BIN1: variants seen among roughly 807,000 people sequenced by gnomAD.
The protein encoded by BIN1 is myc box-dependent-interacting protein 1.
BIN1 carries 53 observed loss-of-function variants against 82.0 expected under a neutral mutation model. The observed-to-expected ratio is 0.65, with a 90% CI of 0.52 to 0.81. The LOEUF is 0.81. Ranked by LOEUF, BIN1 falls within the 40% of genes least tolerant of loss-of-function variation. BIN1 has a pLI of 0.00. For missense variants in BIN1, 642 were observed against 784.4 expected (o/e 0.82, Z 2.17); for synonymous variants, 302 against 328.0 (o/e 0.92, Z 0.86).
In BIN1 at chr2:127,105,324, C is replaced by A. The variant is rs1471142877; in HGVS notation, c.84+1536G>T. ...TTAGGGAAGGAAGCAGGCTCTGGCC[C>A]AGGGCTGCCTGCTCCAGGCACACAG... On this transcript the variant is annotated intron_variant, in intron 1 of 18. Transcript: ENST00000316724. Among the ~76,000 whole-genome samples the A allele has an allele frequency of 3.3e-5, 5 of 152,140 alleles. 1 individual carries two copies. Among genetic ancestry groups the A allele is most frequent in the Non-Finnish European group, 7.4e-5 (5 of 68,008 alleles).
rs1681239868 is a variant in BIN1, at chr2:127,106,932, C to T, written c.12G>A (p.Met4Ile). 1 of 1,611,786 alleles carries T rather than the reference C, an allele frequency of 6.2e-7. No homozygotes were observed. Among genetic ancestry groups the T allele is most frequent in the African/African-American group, 1.3e-5 (1 of 74,748 alleles). ...TTCCCGCCGTCACCCCTTTACTGCC[C>T]ATCTCTGCCATCGCGGCGCAGGCCT... MAEMGSKGVTAGKI... is the reference protein window; with the variant it reads MAEIGSKGVTAGKI... Residue 4 changes from methionine to isoleucine, a missense_variant, in exon 1 of 19, where the codon ATG (methionine) becomes ATA (isoleucine). Met to Ile is a conservative substitution (Grantham distance 10). Coordinates refer to ENST00000316724, the MANE Select transcript of BIN1 (RefSeq NM_139343.3).
intron 7 of BIN1, 81 bp from the exon 8 acceptor site, chr2:127,064,099 C>T: frequency 2.0e-6 from 3 of 1,530,458 alleles, no homozygotes; most frequent in Non-Finnish European, 2.7e-6. Flanking sequence ...CACCTCCTGC[C>T]CACCCCTCTT....
At position 127,059,085 on chromosome 2, in the gene BIN1, T is replaced by A; in HGVS notation, c.928A>T (p.Ile310Phe). 6.3e-7 allele frequency: 1 copy of A among 1,591,154 alleles called. No individual in the cohort carries two copies. Among genetic ancestry groups the A allele is most frequent in the Non-Finnish European group, 8.5e-7 (1 of 1,170,016 alleles). The change falls in exon 11 of 19, where the codon ATC (isoleucine) becomes TTC (phenylalanine). Residue 310 changes from isoleucine (I) to phenylalanine (F), a missense_variant. Coordinates refer to ENST00000316724, the MANE Select transcript of BIN1 (RefSeq NM_139343.3). This position sits in a 1 kb window ranked among gnomAD's most constrained non-coding sequence, Gnocchi z 6.7. ...PDGSPAATPEIRVNHEPEPAG... is the reference protein window; with the variant it reads ...PDGSPAATPEFRVNHEPEPAG... ...GGCTCTGGCTCGTGGTTGACTCTGA[T>A]CTCGGGGGTGGCGGCAGGGGAGCCA...
In BIN1 at chr2:127,076,604, G is replaced by A. The variant is rs866806367; in HGVS notation, c.165+22C>T. 8.1e-6 allele frequency: 13 copies of A among 1,613,822 alleles called. No individual in the cohort carries two copies. The Middle Eastern group carries it at 4.9e-4, about 61-fold the overall frequency. On this transcript the variant is annotated intron_variant, in intron 2 of 18. Transcript: ENST00000316724. ...GCCGAATTTTCACAAACTCCCTAAG[G>A]CCAAGGGCCACCCACACTCACCAGC... is the stretch of plus-strand genomic sequence containing the variant.
chr2:127,091,600 G>T (rs1678933017), intron 1 of BIN1, among the ~76,000 whole-genome samples: 1 of 152,214 alleles, frequency 6.6e-6, no homozygotes, highest in African/African-American at 2.4e-5. Context: ...AAGAATAAGG[G>T]TTGGCTGACC....
In BIN1 at chr2:127,057,429, G is replaced by T. The variant is rs1478699649; in HGVS notation, c.1131+44C>A. 2.0e-6 allele frequency: 3 copies of T among 1,525,662 alleles called. No individual in the cohort carries two copies. The highest frequency in any genetic ancestry group is 2.6e-6 in the Non-Finnish European group (3 of 1,134,104). The allele number at this position is 1,525,662 out of a possible 1,614,324, so 94.5% of individuals were successfully genotyped here. A position where few individuals can be genotyped will look rare whatever the true frequency, so the allele number is the denominator to read the frequency against. ...GATGAAGGCCATGCACGCCCTGAGA[G>T]GGCAGGAAGAGAGGAGAGCTGGGCC... On this transcript the variant is annotated intron_variant, in intron 12 of 18. Coordinates refer to ENST00000316724, the MANE Select transcript of BIN1 (RefSeq NM_139343.3). The surrounding 1 kb of genome is among the most constrained non-coding windows in gnomAD (Gnocchi z 5.0).
intron 11 of BIN1, among the ~76,000 whole-genome samples, chr2:127,058,088 A>C (rs1444783695): frequency 6.6e-6 from 1 of 152,144 alleles, no homozygotes; most frequent in African/African-American, 2.4e-5. Flanking sequence ...AGCCCAGCTC[A>C]GACGAGTGTA....
At chr2:127,071,261 C>A (rs1685856886) in intron 2 of BIN1, among the ~76,000 whole-genome samples, 1 of 152,200 alleles carries the variant, frequency 6.6e-6, no homozygotes, top group Non-Finnish European at 1.5e-5. Context: ...CCCTGCTCCA[C>A]AAGCTCAGGT....
chr2:127,087,281 C>T (rs1200952883), intron 1 of BIN1, among the ~76,000 whole-genome samples: 1 of 152,162 alleles, frequency 6.6e-6, no homozygotes, highest in Non-Finnish European at 1.5e-5. Context: ...AAGGAAGTTG[C>T]AGGGTCTCCT....
chr2:127,058,920 G>T, intron 11 of BIN1, 91 bp downstream of exon 11: 1 of 1,519,984 alleles, frequency 6.6e-7, no homozygotes, highest in Non-Finnish European at 8.9e-7. Context: ...GGCCAGAAAG[G>T]GGACAGAGGA....
intron 1 of BIN1, 57 bp from the exon 2 acceptor site, chr2:127,076,763 C>T: frequency 6.3e-7 from 1 of 1,593,866 alleles, no homozygotes; most frequent in Non-Finnish European, 8.6e-7. Context: ...AGTGGTCAAA[C>T]CAAGAGTGCT....
chr2:127,104,412 C>A (rs1680756454), intron 1 of BIN1, among the ~76,000 whole-genome samples: 1 of 152,108 alleles, frequency 6.6e-6, no homozygotes, highest in African/African-American at 2.4e-5. Flanking sequence ...CCCTCACAGT[C>A]TGGATGTTTG....
chr2:127,103,913 A>C (rs1680680564), intron 1 of BIN1, among the ~76,000 whole-genome samples: 1 of 152,114 alleles, frequency 6.6e-6, no homozygotes, highest in African/African-American at 2.4e-5. Flanking sequence ...AGTGCACCCC[A>C]CGCATTCCGG....
rs961646718 is a variant in BIN1, at chr2:127,048,462, A to G, written c.*64T>C. Reference sequence around the variant, plus strand: ...GAAAAACGAAAACAAAACAAAAAAAAGAACCACACATTTTTCGGGAGGAGG... The same window carrying G: ...GAAAAACGAAAACAAAACAAAAAAAGGAACCACACATTTTTCGGGAGGAGG... On this transcript the variant is annotated 3_prime_UTR_variant, in exon 19 of 19. Transcript: ENST00000316724. 99 of 1,476,814 alleles carry G rather than the reference A, an allele frequency of 6.7e-5. No individual in the cohort carries two copies. The highest frequency in any genetic ancestry group is 9.0e-5 in the Non-Finnish European group (95 of 1,058,656). 91.5% of individuals were successfully genotyped at this position (1,476,814 alleles called of 1,614,324 possible).
chr2:127,051,352 C>A, intron 15 of BIN1, 109 bp from the exon 16 acceptor site: 1 of 1,135,462 alleles, frequency 8.8e-7, no homozygotes, highest in Non-Finnish European at 1.3e-6. Context: ...GGGGGCATCG[C>A]CTGGCTGGCA....
chr2:127,065,130 C>G (rs1383672603), intron 7 of BIN1, among the ~76,000 whole-genome samples: 1 of 152,208 alleles, frequency 6.6e-6, no homozygotes, highest in East Asian at 1.9e-4. Context: ...TCCCATCCAG[C>G]CTCAGACACC....
chr2:127,053,574 G>A (rs941045274), intron 13 of BIN1, 129 bp from the exon 14 acceptor site: 67 of 1,258,736 alleles, frequency 5.3e-5, no homozygotes, highest in Admixed American at 7.9e-5. Context: ...GGAGTGGCTC[G>A]GAGCCAGGTA....
At chr2:127,105,573 T>A (rs921349062) in intron 1 of BIN1, among the ~76,000 whole-genome samples, 1 of 151,032 alleles carries the variant, frequency 6.6e-6, no homozygotes, top group Non-Finnish European at 1.5e-5. Flanking sequence ...CTTCCTTCAA[T>A]GCACACCCAC....
intron 10 of BIN1, among the ~76,000 whole-genome samples, chr2:127,061,852 G>A (rs1323478531): frequency 6.6e-6 from 1 of 152,172 alleles, no homozygotes; most frequent in Non-Finnish European, 1.5e-5. Context: ...GCTCCACAAT[G>A]AGGGGGTCAG....
Sources: allele counts gnomAD v4.1 joint callset (sites outside exome capture counted in the v4.1 genomes callset), GRCh38; gene constraint gnomAD v4.1.1; non-coding constraint Gnocchi (gnomAD v3.1); transcripts MANE v1.5; gene names NCBI Gene and HGNC (gene_info 2026-07-23, HGNC 2026-07-21).